The following CPPED1 variants were observed in gnomAD, a reference collection of about 807,000 sequenced individuals.
The protein encoded by CPPED1 is calcineurin like phosphoesterase domain containing 1, also known as serine/threonine-protein phosphatase CPPED1.
In CPPED1, 28 loss-of-function variants were observed where a neutral mutation model predicts 28.0. The observed-to-expected ratio is 1.00, with a 90% CI of 0.74 to 1.37. The LOEUF is 1.37. Among genes scored for constraint, CPPED1 ranks in the 40% most tolerant of loss-of-function variants. The pLI, the probability that CPPED1 is intolerant of heterozygous loss-of-function variation, is 0.00. For synonymous variants in CPPED1, 198 were observed against 180.2 expected, an observed-to-expected ratio of 1.10 and a Z score of -0.79; for missense variants, 504 against 416.5, an observed-to-expected ratio of 1.21 and a Z score of -1.83.
At chr16:12,756,128 C>CAA (rs138038115) in intron 2 of CPPED1, among the ~76,000 whole-genome samples, 27,692 of 144,266 alleles carry the variant, frequency 0.19, 2,766 homozygotes, top group East Asian at 0.25. Context: ...GAAACTCCGT[C>CAA]AAAAAAAACA....
intron 2 of CPPED1, among the ~76,000 whole-genome samples, chr16:12,749,897 G>T (rs1047753718): frequency 2.0e-5 from 3 of 152,112 alleles, no homozygotes; most frequent in Admixed American, 2.0e-4. Flanking sequence ...GCAGAATCAC[G>T]AATGTTCTTA....
chr16:12,799,717 A>G (rs1180839990), intron 1 of CPPED1, among the ~76,000 whole-genome samples: 2 of 152,204 alleles, frequency 1.3e-5, no homozygotes, highest in South Asian at 2.1e-4. Flanking sequence ...GGAAGCAGCA[A>G]TGGTAGGCTA....
intron 3 of CPPED1, among the ~76,000 whole-genome samples, chr16:12,693,889 T>C (rs2079976267): frequency 6.6e-6 from 1 of 152,196 alleles, no homozygotes; most frequent in Non-Finnish European, 1.5e-5. Flanking sequence ...TGAAATGTTG[T>C]GATGAAATTA....
chr16:12,770,850 G>C (rs1306377601), intron 2 of CPPED1, among the ~76,000 whole-genome samples: 1 of 128,536 alleles, frequency 7.8e-6, no homozygotes, highest in East Asian at 2.7e-4. Context: ...AGAAGGAAAG[G>C]AAAGGGAGAG....
At chr16:12,686,887 T>G (rs2079936304) in intron 3 of CPPED1, among the ~76,000 whole-genome samples, 1 of 152,070 alleles carries the variant, frequency 6.6e-6, no homozygotes, top group Non-Finnish European at 1.5e-5. Context: ...ATTTTTTTTT[T>G]GAAAAGAACT....
At chr16:12,725,744 G>C (rs2080166784) in intron 2 of CPPED1, among the ~76,000 whole-genome samples, 1 of 152,208 alleles carries the variant, frequency 6.6e-6, no homozygotes. Context: ...GTGCCACAAT[G>C]AATGAAAACA....
intron 2 of CPPED1, among the ~76,000 whole-genome samples, chr16:12,738,001 G>A (rs965022826): frequency 6.6e-6 from 1 of 152,206 alleles, no homozygotes; most frequent in African/African-American, 2.4e-5. Flanking sequence ...CCTTCCTGGG[G>A]ATAAGTGGTT....
At chr16:12,707,211 C>A (rs1567282052) in intron 2 of CPPED1, among the ~76,000 whole-genome samples, 1 of 152,222 alleles carries the variant, frequency 6.6e-6, no homozygotes, top group African/African-American at 2.4e-5. Flanking sequence ...ACTTTCCTCA[C>A]TGGATTTTCT....
chr16:12,796,718 C>A (rs1234258794), intron 1 of CPPED1, among the ~76,000 whole-genome samples: 1 of 152,102 alleles, frequency 6.6e-6, no homozygotes, highest in African/African-American at 2.4e-5. Flanking sequence ...CAATTCCAAT[C>A]CTAGGTATCT....
chr16:12,803,710 C>A lies in CPPED1; in HGVS notation c.67G>T (p.Ala23Ser), dbSNP rs766353865. Residue 23 changes from alanine (A) to serine (S), a missense_variant, in exon 1 of 4, where the codon GCA becomes TCA. Physicochemically the swap from Ala to Ser is moderately conservative, Grantham distance 99. Transcript: ENST00000381774. ...ARGRTLAAFPAEKESEWKGPF... is the reference protein window; with the variant it reads ...ARGRTLAAFPSEKESEWKGPF... ...CCGGGTGAGGGGCGGGCAGTACCTGCGGGAAACGCGGCCAGGGTCCTGCCC... is the reference window on the plus strand; with the variant it reads ...CCGGGTGAGGGGCGGGCAGTACCTGAGGGAAACGCGGCCAGGGTCCTGCCC... The A allele has an allele frequency of 5.1e-6, 8 of 1,576,868 alleles. No individual in the cohort carries two copies. In the East Asian group the frequency reaches 1.7e-4, roughly 34 times the overall value.
At chr16:12,672,120 C>T (rs1484115403) in intron 3 of CPPED1, among the ~76,000 whole-genome samples, 1 of 152,260 alleles carries the variant, frequency 6.6e-6, no homozygotes, top group Non-Finnish European at 1.5e-5. Context: ...TGTAAGGACA[C>T]TGTGATGTCT....
intron 1 of CPPED1, among the ~76,000 whole-genome samples, chr16:12,793,917 C>T (rs1205472321): frequency 2.6e-5 from 4 of 152,122 alleles, no homozygotes; most frequent in Non-Finnish European, 5.9e-5. Context: ...AGCTAAAGAG[C>T]AAATGGCAAC....
chr16:12,758,960 T>G (rs1215366327), intron 2 of CPPED1, among the ~76,000 whole-genome samples: 2 of 151,690 alleles, frequency 1.3e-5, no homozygotes, highest in African/African-American at 4.8e-5. Context: ...CCCAGGAGTC[T>G]GAGACCAGTC....
At chr16:12,679,702 A>G (rs2079895464) in intron 3 of CPPED1, among the ~76,000 whole-genome samples, 1 of 152,174 alleles carries the variant, frequency 6.6e-6, no homozygotes, top group Non-Finnish European at 1.5e-5. Flanking sequence ...ACATCCTGAA[A>G]ACTGTATTTC....
intron 2 of CPPED1, among the ~76,000 whole-genome samples, chr16:12,718,502 G>T (rs1362150382): frequency 1.4e-5 from 2 of 142,788 alleles, no homozygotes; most frequent in African/African-American, 5.2e-5. Context: ...TTGTGCCACT[G>T]CATTGCAGCC....
intron 3 of CPPED1, among the ~76,000 whole-genome samples, chr16:12,686,241 A>ATATATATT (rs35644844): frequency 2.8e-5 from 3 of 106,898 alleles, no homozygotes; most frequent in African/African-American, 1.2e-4. Context: ...ATATATATAT[A>ATATATATT]TTTTTTTTTT....
rs925500654 is a variant in CPPED1, at chr16:12,703,342, G to A, written c.715+1282C>T. Among the ~76,000 whole-genome samples the A allele has an allele frequency of 1.1e-4, 16 of 152,340 alleles. 2 individuals are homozygous for A. The highest frequency in any genetic ancestry group is 8.5e-4 in the Admixed American group (13 of 15,300). ...GGCTCACACCTGTAATCCCAGCACT[G>A]TATTCCCAGATGGGACTAAATCCGT... is the stretch of plus-strand genomic sequence containing the variant. On this transcript the variant is annotated intron_variant, in intron 3 of 3. Transcript: ENST00000381774.
At position 12,781,676 on chromosome 16, in the gene CPPED1, A is replaced by G. The variant is rs545758385; in HGVS notation, c.71-273T>C. Among the ~76,000 whole-genome samples the G allele has an allele frequency of 3.3e-5, 5 of 152,314 alleles. No individual in the cohort carries two copies. In the South Asian group the frequency reaches 1.0e-3, roughly 32 times the overall value. On this transcript the variant is annotated intron_variant, in intron 1 of 3. Coordinates refer to ENST00000381774, the MANE Select transcript of CPPED1 (RefSeq NM_018340.3). ...CAAGCTGTTTGCTGACAAGCTAGAC[A>G]GCCAAAAGGAAGCACGGGCCACAAG...
Position 12,778,517 on chromosome 16 carries a change from C to T in CPPED1, c.289+2668G>A, listed in dbSNP as rs1307075938. 2.0e-5 allele frequency among the ~76,000 whole-genome samples: 3 copies of T among 152,300 alleles called. No individual in the cohort carries two copies. In the East Asian group the frequency reaches 5.8e-4, roughly 29 times the overall value. On this transcript the variant is annotated intron_variant, in intron 2 of 3. Transcript: ENST00000381774. ...TCTTGAATTCCTGACCTCAGGTGAT[C>T]CGCCCACCTTGGCGTCCCAAAGTAC...
Sources: allele counts gnomAD v4.1 joint callset (sites outside exome capture counted in the v4.1 genomes callset), GRCh38; gene constraint gnomAD v4.1.1; transcripts MANE v1.5; gene names NCBI Gene and HGNC (gene_info 2026-07-23, HGNC 2026-07-21).